ELAVL4: variants seen among roughly 807,000 people sequenced by gnomAD.
ELAVL4 encodes ELAV-like protein 4.
ELAVL4 carries 1 observed loss-of-function variant against 35.6 expected under a neutral mutation model. The observed-to-expected ratio is 0.03, with a 90% CI of 0.01 to 0.13. The LOEUF is 0.13. ELAVL4 is among the 10% of genes least tolerant of loss of function. The probability of loss-of-function intolerance (pLI) is 1.00; values close to 1 mark genes in which losing one functional copy is unlikely to be tolerated. For missense variants in ELAVL4, 267 were observed against 464.9 expected (o/e 0.57, Z 3.91); for synonymous variants, 156 against 171.0 (o/e 0.91, Z 0.69).
At chr1:50,086,465 C>G (rs2148501139) in intron 1 of ELAVL4, among the ~76,000 whole-genome samples, 1 of 134,128 alleles carries the variant, frequency 7.5e-6, no homozygotes, top group Non-Finnish European at 1.6e-5. Flanking sequence ...TTCCTTGGAA[C>G]CATTCAGCTT....
intron 1 of ELAVL4, among the ~76,000 whole-genome samples, chr1:50,133,629 AAGAAAGAAAGAAAG>A (rs1671334621): frequency 6.7e-6 from 1 of 149,958 alleles, no homozygotes; most frequent in African/African-American, 2.4e-5. Flanking sequence ...GAAAGAAAGA[AAGAAAGAAAGAAAG>A]AAAGAAAGAG....
upstream of ELAVL4, among the ~76,000 whole-genome samples, chr1:50,107,411 TA>T (rs1261054109): frequency 6.6e-6 from 1 of 152,228 alleles, no homozygotes; most frequent in Non-Finnish European, 1.5e-5. Context: ...CATATTGTTT[TA>T]TGATGTATCT....
chr1:50,166,668 T>C (rs1677979493), intron 2 of ELAVL4, among the ~76,000 whole-genome samples: 2 of 152,206 alleles, frequency 1.3e-5, no homozygotes, highest in Admixed American at 1.3e-4. Context: ...TGGACTGTTG[T>C]AGCTTCCCAT....
chr1:50,187,140 A>G (rs1349664066), intron 3 of ELAVL4, among the ~76,000 whole-genome samples: 1 of 152,120 alleles, frequency 6.6e-6, no homozygotes, highest in African/African-American at 2.4e-5. Context: ...GGGAGTTTGT[A>G]TGCACTCAGA....
At chr1:50,119,120 A>G (rs1304496608) in intron 1 of ELAVL4, among the ~76,000 whole-genome samples, 4 of 152,056 alleles carry the variant, frequency 2.6e-5, no homozygotes, top group Non-Finnish European at 1.5e-5. Context: ...TTGCTATGGA[A>G]CAGGCAGACA....
At chr1:50,170,681 C>T (rs986466135) in intron 2 of ELAVL4, among the ~76,000 whole-genome samples, 4 of 152,156 alleles carry the variant, frequency 2.6e-5, no homozygotes, top group Non-Finnish European at 4.4e-5. Flanking sequence ...CTGCATTTCT[C>T]ACAAGTCCCT....
In ELAVL4 at chr1:50,049,088, T is replaced by C. The variant is rs140716530; in HGVS notation, c.18+906T>C. The stretch of plus-strand genomic sequence containing the variant: ...CAGGTTTGGGGGAAAATGAGTCATA[T>C]TGATTCCCAAGCTGTTAGCCAATAC... On this transcript the variant is annotated intron_variant, in intron 1 of 6. Transcript: ENST00000448907. Among the ~76,000 whole-genome samples, 7 of 152,330 alleles carry C rather than the reference T, an allele frequency of 4.6e-5. No individual in the cohort carries two copies. The East Asian group carries it at 1.4e-3, about 29-fold the overall frequency.
chr1:50,194,609 G>T (rs1224846164), intron 4 of ELAVL4, among the ~76,000 whole-genome samples: 1 of 152,206 alleles, frequency 6.6e-6, no homozygotes, highest in East Asian at 1.9e-4. Context: ...ACAGAAGTCT[G>T]CTCTGCCCTA....
At chr1:50,138,295 A>G (rs534679263) in intron 1 of ELAVL4, among the ~76,000 whole-genome samples, 1 of 152,292 alleles carries the variant, frequency 6.6e-6, no homozygotes, top group African/African-American at 2.4e-5. Context: ...GGAACTTTCA[A>G]TCTGGAGATA....
intron 1 of ELAVL4, among the ~76,000 whole-genome samples, chr1:50,072,387 C>T (rs1203253285): frequency 2.6e-5 from 4 of 152,144 alleles, no homozygotes; most frequent in South Asian, 2.1e-4. Flanking sequence ...TCTCTATGAA[C>T]GTGAACCCCC....
At chr1:50,119,308 G>A (rs1668628406) in intron 1 of ELAVL4, among the ~76,000 whole-genome samples, 1 of 151,928 alleles carries the variant, frequency 6.6e-6, no homozygotes, top group Non-Finnish European at 1.5e-5. Context: ...AAGCGGGAGG[G>A]ACTTGATTTT....
chr1:50,090,882 G>C (rs140534266), intron 1 of ELAVL4, among the ~76,000 whole-genome samples: 80 of 152,312 alleles, frequency 5.3e-4, no homozygotes, highest in African/African-American at 1.9e-3. Flanking sequence ...TGGACACTTG[G>C]CAGTCCCTGC....
intron 1 of ELAVL4, among the ~76,000 whole-genome samples, chr1:50,118,469 C>T (rs1668327557): frequency 6.9e-6 from 1 of 145,704 alleles, no homozygotes; most frequent in African/African-American, 2.7e-5. Context: ...TGCTGACCCT[C>T]AATTCATTAC....
intron 1 of ELAVL4, among the ~76,000 whole-genome samples, chr1:50,072,448 G>A (rs78496523): frequency 0.013 from 1,941 of 152,270 alleles, 38 homozygotes; most frequent in African/African-American, 0.045. Flanking sequence ...ACACAGCCCC[G>A]CTGGGCCTTC....
At chr1:50,164,251 G>A (rs1452421255) in intron 2 of ELAVL4, among the ~76,000 whole-genome samples, 1 of 152,144 alleles carries the variant, frequency 6.6e-6, no homozygotes, top group Admixed American at 6.5e-5. Context: ...GGGATCTTAT[G>A]GGTCAGTCTT....
At chr1:50,078,377 A>G (rs942019502) in intron 1 of ELAVL4, among the ~76,000 whole-genome samples, 1 of 152,048 alleles carries the variant, frequency 6.6e-6, no homozygotes, top group Non-Finnish European at 1.5e-5. Context: ...CCAAAACACT[A>G]CTTGGGCCAC....
At chr1:50,149,727 A>G (rs943479087) in intron 2 of ELAVL4, among the ~76,000 whole-genome samples, 3 of 151,922 alleles carry the variant, frequency 2.0e-5, no homozygotes, top group Non-Finnish European at 4.4e-5. Context: ...TATTTTTAGT[A>G]GAGACAGGGT....
At chr1:50,130,916 C>T (rs1670743825) in intron 1 of ELAVL4, among the ~76,000 whole-genome samples, 1 of 152,080 alleles carries the variant, frequency 6.6e-6, no homozygotes, top group Non-Finnish European at 1.5e-5. Flanking sequence ...ATACCTGTAA[C>T]TAAAGAAATT....
chr1:50,167,932 A>G (rs1317931703), intron 2 of ELAVL4, among the ~76,000 whole-genome samples: 1 of 152,176 alleles, frequency 6.6e-6, no homozygotes, highest in Non-Finnish European at 1.5e-5. Flanking sequence ...CCATCCAGCC[A>G]AACCATTGGC....
Sources: allele counts gnomAD v4.1 joint callset (sites outside exome capture counted in the v4.1 genomes callset), GRCh38; gene constraint gnomAD v4.1.1; transcripts MANE v1.5; gene names NCBI Gene and HGNC (gene_info 2026-07-23, HGNC 2026-07-21).